The following CRABP1 variants were observed in gnomAD, a reference collection of about 807,000 sequenced individuals.
The protein encoded by CRABP1 is cellular retinoic acid binding protein 1.
CRABP1 carries 9 observed loss-of-function variants against 16.4 expected under a neutral mutation model. The ratio of observed to expected loss-of-function variants is 0.55; its 90% confidence interval spans 0.33 to 0.96. The LOEUF is 0.96. CRABP1 is among the 40% of genes least tolerant of loss of function. CRABP1 has a pLI of 0.03. For synonymous variants in CRABP1, 72 were observed against 70.4 expected (o/e 1.02, Z -0.11); for missense variants, 157 against 186.0 (o/e 0.84, Z 0.91).
At position 78,341,544 on chromosome 15, in the gene CRABP1, C is replaced by A. The variant is rs1320621620; in HGVS notation, c.249+323C>A. On this transcript the variant is annotated intron_variant, in intron 2 of 3. Transcript: ENST00000299529. This position sits in a 1 kb window ranked among gnomAD's most constrained non-coding sequence, Gnocchi z 5.3. ...TTTGCAGCGCCAAGCGCAGGCGGCGCAGGAGGAGGAGGAGGTTGCAGGAGC... is the reference window on the plus strand; with the variant it reads ...TTTGCAGCGCCAAGCGCAGGCGGCGAAGGAGGAGGAGGAGGTTGCAGGAGC... 3 of 353,386 alleles carry A rather than the reference C, an allele frequency of 8.5e-6. No homozygotes were observed. Among genetic ancestry groups the A allele is most frequent in the African/African-American group, 6.3e-5 (3 of 47,326 alleles). 21.9% of individuals were successfully genotyped at this position (353,386 alleles called of 1,614,324 possible).
chr15:78,341,083 G>A lies in CRABP1; in HGVS notation c.111G>A (p.Ala37=), dbSNP rs762073082. 7 of 1,611,322 alleles carry A rather than the reference G, an allele frequency of 4.3e-6. No individual in the cohort carries two copies. Among genetic ancestry groups the A allele is most frequent in the Non-Finnish European group, 5.9e-6 (7 of 1,179,848 alleles). ...TGAGGAAAGTGGCCGTAGCGGCTGC[G>A]TCCAAGCCGCACGTGGAGATCCGCC... ...AMLRKVAVAA[A]SKPHVEIRQD... is the part of the protein sequence containing the mutation. Residue 37 remains alanine (A), a synonymous_variant, in exon 2 of 4, where the codon GCG becomes GCA. Coordinates refer to ENST00000299529, the MANE Select transcript of CRABP1 (RefSeq NM_004378.3). This position sits in a 1 kb window ranked among gnomAD's most constrained non-coding sequence, Gnocchi z 5.3.
At chr15:78,345,409 A>C (rs961072852) in intron 3 of CRABP1, among the ~76,000 whole-genome samples, 2 of 152,166 alleles carry the variant, frequency 1.3e-5, no homozygotes, top group Admixed American at 1.3e-4. Context: ...TATTGTTTCC[A>C]GGGAAAGGAT....
chr15:78,345,437 G>C (rs1209594771), intron 3 of CRABP1, among the ~76,000 whole-genome samples: 8 of 152,176 alleles, frequency 5.3e-5, no homozygotes. Context: ...GGGCTTGGGG[G>C]AGCAATTTGA....
chr15:78,346,169 G>C (rs75715547), intron 3 of CRABP1, among the ~76,000 whole-genome samples: 3 of 152,124 alleles, frequency 2.0e-5, no homozygotes, highest in African/African-American at 7.3e-5. Flanking sequence ...GACAATCCAT[G>C]GCTGTAGAAC....
rs368309423 is a variant in CRABP1, at chr15:78,343,481, T to C, written c.250-18T>C. ...CTGAGACTCTAATTAATGTCACTAA[T>C]GGTTTTCCCGCCTGCAGAGTTTAGC... On this transcript the variant is annotated intron_variant, in intron 2 of 3. Transcript: ENST00000299529. The C allele has an allele frequency of 1.6e-5, 26 of 1,597,788 alleles. No individual in the cohort carries two copies. In the African/African-American group the frequency reaches 2.0e-4, roughly 12 times the overall value.
intron 3 of CRABP1, among the ~76,000 whole-genome samples, chr15:78,346,993 GTT>G (rs60882314): frequency 6.4e-5 from 9 of 140,406 alleles, no homozygotes; most frequent in Admixed American, 1.4e-4. Flanking sequence ...TTTTGTTTTT[GTT>G]TTTTTTTTTT....
intron 1 of CRABP1, 120 bp from the exon 2 acceptor site, chr15:78,340,923 G>A: frequency 1.9e-6 from 2 of 1,045,970 alleles, no homozygotes; most frequent in South Asian, 1.7e-5. Context: ...GGCGAGGGCA[G>A]GGAAACGAGT....
intron 2 of CRABP1, among the ~76,000 whole-genome samples, chr15:78,342,606 G>A (rs190411251): frequency 3.6e-4 from 55 of 152,264 alleles, no homozygotes; most frequent in African/African-American, 1.3e-3. Flanking sequence ...ACCTCCAAAA[G>A]CATGAAGAGC....
chr15:78,342,231 T>C (rs983046813), intron 2 of CRABP1, among the ~76,000 whole-genome samples: 1 of 152,078 alleles, frequency 6.6e-6, no homozygotes, highest in Non-Finnish European at 1.5e-5. Flanking sequence ...GGGTGGGATC[T>C]GAAGCCTAAA....
rs866604842 is a variant in CRABP1 at position 78,347,806 on chromosome 15, A to G, written c.364-121A>G. On this transcript the variant is annotated intron_variant, in intron 3 of 3. Coordinates refer to ENST00000299529, the MANE Select transcript of CRABP1 (RefSeq NM_004378.3). The stretch of plus-strand genomic sequence containing the variant: ...CTTAGCCTGAGCACACACACAGGAA[A>G]TTGAATGTCTGTTACAAAGAGTTTT... 13 of 906,368 alleles carry G rather than the reference A, an allele frequency of 1.4e-5. No homozygotes were observed. In the South Asian group the frequency reaches 1.6e-4, roughly 11 times the overall value. 56.1% of individuals were successfully genotyped at this position (906,368 alleles called of 1,614,324 possible).
At position 78,343,538 on chromosome 15, in the gene CRABP1, A is replaced by G. The variant is rs758876861; in HGVS notation, c.289A>G (p.Thr97Ala). ...TWENENKIHC[T>A]QTLLEGDGPK... ...GGAGAATGAGAACAAGATCCACTGCACGCAAACTCTTCTTGAAGGGGACGG... is the reference window on the plus strand; with the variant it reads ...GGAGAATGAGAACAAGATCCACTGCGCGCAAACTCTTCTTGAAGGGGACGG... The change falls in exon 3 of 4, where the codon ACG (threonine) becomes GCG (alanine). Residue 97 changes from threonine (T) to alanine (A), a missense_variant. Coordinates refer to ENST00000299529, the MANE Select transcript of CRABP1 (RefSeq NM_004378.3). The G allele has an allele frequency of 1.2e-6, 2 of 1,614,190 alleles. No homozygotes were observed. The highest frequency in any genetic ancestry group is 1.7e-6 in the Non-Finnish European group (2 of 1,180,022).
Position 78,341,350 on chromosome 15 carries a change from C to G in CRABP1, c.249+129C>G, listed in dbSNP as rs773488561. ...CTTCCTTGCAGGGTGTGTACACTGG[C>G]TGTTTGCAGAGGGGGTTTGTGCATC... is the stretch of plus-strand genomic sequence containing the variant. On this transcript the variant is annotated intron_variant, in intron 2 of 3. Coordinates refer to ENST00000299529, the MANE Select transcript of CRABP1 (RefSeq NM_004378.3). This position sits in a 1 kb window ranked among gnomAD's most constrained non-coding sequence, Gnocchi z 5.3. 3.1e-5 allele frequency: 33 copies of G among 1,059,338 alleles called. No individual in the cohort carries two copies. The African/African-American group carries it at 4.9e-4, about 16-fold the overall frequency. The allele number at this position is 1,059,338 out of a possible 1,614,324, so 65.6% of individuals were successfully genotyped here.
At position 78,341,147 on chromosome 15, in the gene CRABP1, G is replaced by T; in HGVS notation, c.175G>T (p.Val59Leu). The T allele has an allele frequency of 1.2e-6, 2 of 1,612,924 alleles. No homozygotes were observed. Among genetic ancestry groups the T allele is most frequent in the Non-Finnish European group, 1.7e-6 (2 of 1,179,594 alleles). Residue 59 changes from valine to leucine, a missense_variant, in exon 2 of 4, where the codon GTG becomes TTG. Coordinates refer to ENST00000299529, the MANE Select transcript of CRABP1 (RefSeq NM_004378.3). The surrounding 1 kb of genome is among the most constrained non-coding windows in gnomAD (Gnocchi z 5.3). ...GTTCTACATCAAGACATCCACCACG[G>T]TGCGCACCACTGAGATCAACTTCAA... Reference protein sequence around the residue: ...DQFYIKTSTTVRTTEINFKVG... With the variant: ...DQFYIKTSTTLRTTEINFKVG...
At chr15:78,344,829 T>C (rs1176075001) in intron 3 of CRABP1, among the ~76,000 whole-genome samples, 2 of 150,842 alleles carry the variant, frequency 1.3e-5, no homozygotes, top group Non-Finnish European at 2.9e-5. Context: ...AGTGGGAGGA[T>C]CACTTGAGCC....
In CRABP1 at chr15:78,341,337, G is replaced by A; in HGVS notation, c.249+116G>A. 8.3e-7 allele frequency: 1 copy of A among 1,206,274 alleles called. No homozygotes were observed. The highest frequency in any genetic ancestry group is 2.5e-5 in the East Asian group (1 of 39,650). 74.7% of individuals were successfully genotyped at this position (1,206,274 alleles called of 1,614,324 possible). On this transcript the variant is annotated intron_variant, in intron 2 of 3. Coordinates refer to ENST00000299529, the MANE Select transcript of CRABP1 (RefSeq NM_004378.3). The surrounding 1 kb of genome is among the most constrained non-coding windows in gnomAD (Gnocchi z 5.3). Reference sequence around the variant, plus strand: ...GCCTGTGGCGCGCCTTCCTTGCAGGGTGTGTACACTGGCTGTTTGCAGAGG... The same window carrying A: ...GCCTGTGGCGCGCCTTCCTTGCAGGATGTGTACACTGGCTGTTTGCAGAGG...
chr15:78,343,546 T>G lies in CRABP1; in HGVS notation c.297T>G (p.Thr99=), dbSNP rs900962679. Residue 99 remains threonine (T), a synonymous_variant, in exon 3 of 4, where the codon ACT becomes ACG. Coordinates refer to ENST00000299529, the MANE Select transcript of CRABP1 (RefSeq NM_004378.3). ...AGAACAAGATCCACTGCACGCAAACTCTTCTTGAAGGGGACGGCCCCAAAA... is the reference window on the plus strand; with the variant it reads ...AGAACAAGATCCACTGCACGCAAACGCTTCTTGAAGGGGACGGCCCCAAAA... ...ENENKIHCTQ[T]LLEGDGPKTY... 3.7e-6 allele frequency: 6 copies of G among 1,614,064 alleles called. No homozygotes were observed. Among genetic ancestry groups the G allele is most frequent in the Non-Finnish European group, 5.1e-6 (6 of 1,180,040 alleles).
chr15:78,342,012 T>A (rs77602308), intron 2 of CRABP1, among the ~76,000 whole-genome samples: 2 of 151,654 alleles, frequency 1.3e-5, no homozygotes, highest in African/African-American at 2.4e-5. Flanking sequence ...TTTTTTTTTT[T>A]AAAGAAAAAA....
chr15:78,340,611 G>A lies in CRABP1; in HGVS notation c.70+113G>A. ...GGAAGTTGGGGAGCCCAGGCAGGAG[G>A]GAGTCCCCGGGGCAATAGATCGCCT... On this transcript the variant is annotated intron_variant, in intron 1 of 3. Coordinates refer to ENST00000299529, the MANE Select transcript of CRABP1 (RefSeq NM_004378.3). 3.3e-6 allele frequency: 4 copies of A among 1,212,482 alleles called. 1 individual carries two copies. The highest frequency in any genetic ancestry group is 5.7e-4 in the Middle Eastern group (2 of 3,516). 75.1% of individuals were successfully genotyped at this position (1,212,482 alleles called of 1,614,324 possible).
rs2050277221 is a variant in CRABP1 at position 78,348,072 on chromosome 15, C to T, written c.*95C>T. The T allele has an allele frequency of 8.4e-7, 1 of 1,194,846 alleles. No individual in the cohort carries two copies. Among genetic ancestry groups the T allele is most frequent in the African/African-American group, 1.5e-5 (1 of 65,488 alleles). The allele number at this position is 1,194,846 out of a possible 1,614,324, so 74.0% of individuals were successfully genotyped here. On this transcript the variant is annotated 3_prime_UTR_variant, in exon 4 of 4. Coordinates refer to ENST00000299529, the MANE Select transcript of CRABP1 (RefSeq NM_004378.3). ...GCTGCCAGTGGACCGCCCTTTTCCCCTACCAATATTAGGTGATCCCGTTTT... is the reference window on the plus strand; with the variant it reads ...GCTGCCAGTGGACCGCCCTTTTCCCTTACCAATATTAGGTGATCCCGTTTT...
Sources: allele counts gnomAD v4.1 joint callset (sites outside exome capture counted in the v4.1 genomes callset), GRCh38; gene constraint gnomAD v4.1.1; non-coding constraint Gnocchi (gnomAD v3.1); transcripts MANE v1.5; gene names NCBI Gene and HGNC (gene_info 2026-07-23, HGNC 2026-07-21).